Variants in CNBD1 observed in about 807,000 individuals in gnomAD.
The protein encoded by CNBD1 is cyclic nucleotide binding domain containing 1.
CNBD1 carries 71 observed loss-of-function variants against 54.4 expected under a neutral mutation model. The ratio of observed to expected loss-of-function variants is 1.30; its 90% CI spans 1.08 to 1.59. The LOEUF (loss-of-function observed/expected upper bound fraction) is 1.59. Ranked by LOEUF, CNBD1 falls within the 40% of genes most tolerant of loss-of-function variation. The probability of loss-of-function intolerance (pLI) is 0.00; values close to 1 mark genes in which losing one functional copy is unlikely to be tolerated. For missense variants in CNBD1, 659 were observed against 518.0 expected (o/e 1.27, Z -2.64); for synonymous variants, 182 against 170.7 (o/e 1.07, Z -0.51).
intron 4 of CNBD1, among the ~76,000 whole-genome samples, chr8:87,022,970 A>C (rs73273642): frequency 0.03 from 4,597 of 152,302 alleles, 240 homozygotes; most frequent in African/African-American, 0.1. Flanking sequence ...GCTTTCAACT[A>C]TCATAGTATT....
chr8:87,385,671 T>C (rs1398660273), downstream of CNBD1, among the ~76,000 whole-genome samples: 1 of 152,100 alleles, frequency 6.6e-6, no homozygotes, highest in Non-Finnish European at 1.5e-5. Flanking sequence ...TACCTGCCTC[T>C]GTAGACTCCA....
chr8:87,409,802 T>C (rs1807709649), intron 2 of CNBD1, among the ~76,000 whole-genome samples: 1 of 151,948 alleles, frequency 6.6e-6, no homozygotes, highest in Admixed American at 6.6e-5. Flanking sequence ...GCGGGAGGAT[T>C]GCCAGATCTC....
At chr8:87,054,618 G>A (rs1436762505) in intron 4 of CNBD1, among the ~76,000 whole-genome samples, 1 of 152,140 alleles carries the variant, frequency 6.6e-6, no homozygotes, top group Non-Finnish European at 1.5e-5. Context: ...AGACATGATA[G>A]CCGCAAAACG....
chr8:87,201,683 C>G (rs1270053424), intron 4 of CNBD1, among the ~76,000 whole-genome samples: 1 of 152,036 alleles, frequency 6.6e-6, no homozygotes, highest in Non-Finnish European at 1.5e-5. Context: ...GACTTGTACA[C>G]TAATAAAACT....
chr8:87,402,021 A>C (rs1807574993), intron 2 of CNBD1, among the ~76,000 whole-genome samples: 1 of 151,988 alleles, frequency 6.6e-6, no homozygotes, highest in South Asian at 2.1e-4. Flanking sequence ...ATCCATAAAG[A>C]AAAAGAGGTA....
intron 4 of CNBD1, among the ~76,000 whole-genome samples, chr8:86,954,220 G>C (rs562742954): frequency 3.3e-5 from 5 of 152,284 alleles, no homozygotes; most frequent in Non-Finnish European, 7.4e-5. Flanking sequence ...CCTTGCATTA[G>C]TCTATTAATG....
chr8:86,917,317 C>G (rs1469817111), intron 3 of CNBD1, among the ~76,000 whole-genome samples: 1 of 152,006 alleles, frequency 6.6e-6, no homozygotes, highest in Non-Finnish European at 1.5e-5. Flanking sequence ...CAGGCTAGGA[C>G]CTTAGTAATT....
Position 87,225,573 on chromosome 8 carries a change from T to C in CNBD1, c.578-11346T>C, listed in dbSNP as rs1333253325. Among the ~76,000 whole-genome samples the C allele has an allele frequency of 2.4e-4, 36 of 152,092 alleles. 1 individual carries two copies. Among genetic ancestry groups the C allele is most frequent in the African/African-American group, 6.8e-4 (28 of 41,470 alleles). Reference sequence around the variant, plus strand: ...ATTTGCGTATATTGAACCAGCCTTGTATCCCAGGGATGAAGCCCACTTGAT... The same window carrying C: ...ATTTGCGTATATTGAACCAGCCTTGCATCCCAGGGATGAAGCCCACTTGAT... On this transcript the variant is annotated intron_variant, in intron 5 of 10. Transcript: ENST00000518476.
intron 2 of CNBD1, among the ~76,000 whole-genome samples, chr8:87,426,776 C>T (rs909082023): frequency 2.0e-5 from 3 of 152,148 alleles, no homozygotes; most frequent in African/African-American, 7.2e-5. Flanking sequence ...TTTGAGTTTC[C>T]TTGGCTCACT....
In CNBD1 at chr8:87,382,800, T is replaced by C. The variant is rs576655661; in HGVS notation, c.*173T>C. On this transcript the variant is annotated 3_prime_UTR_variant, in exon 11 of 11. Coordinates refer to ENST00000518476, the MANE Select transcript of CNBD1 (RefSeq NM_173538.3). ...CGAATTGCCTTTCAAACACAGTTTT[T>C]ATTAGCAGTCTTTCTTGGTTTGGAT... 4.4e-6 allele frequency: 2 copies of C among 451,552 alleles called. No individual in the cohort carries two copies. Among genetic ancestry groups the C allele is most frequent in the South Asian group, 1.2e-4 (2 of 17,168 alleles). The allele number at this position is 451,552 out of a possible 1,614,324, so 28.0% of individuals were successfully genotyped here.
At chr8:86,867,346 A>G (rs1808380043) in intron 1 of CNBD1, among the ~76,000 whole-genome samples, 3 of 152,182 alleles carry the variant, frequency 2.0e-5, no homozygotes, top group African/African-American at 7.2e-5. Context: ...TTCAACTTCA[A>G]TAAAGCATTA....
At chr8:87,172,755 G>C (rs535534615) in intron 4 of CNBD1, among the ~76,000 whole-genome samples, 4 of 151,748 alleles carry the variant, frequency 2.6e-5, no homozygotes, top group African/African-American at 4.8e-5. Context: ...TTTTCAGTCT[G>C]TGTGTATCTT....
downstream of CNBD1, among the ~76,000 whole-genome samples, chr8:87,386,505 T>C (rs199993326): frequency 3.3e-5 from 5 of 152,042 alleles, no homozygotes; most frequent in African/African-American, 4.8e-5. Flanking sequence ...ACTGGAAGAA[T>C]GGGTATCAGT....
intron 8 of CNBD1, among the ~76,000 whole-genome samples, chr8:87,320,806 C>A (rs1383501908): frequency 6.6e-6 from 1 of 152,084 alleles, no homozygotes; most frequent in Admixed American, 6.6e-5. Flanking sequence ...CTCAGCATAT[C>A]TCTCTAATAT....
chr8:87,132,122 T>TA (rs1234126361), intron 4 of CNBD1, among the ~76,000 whole-genome samples: 2 of 151,976 alleles, frequency 1.3e-5, no homozygotes, highest in Non-Finnish European at 2.9e-5. Context: ...TTAAGATTTT[T>TA]ATGCCATTTT....
chr8:87,372,381 G>C (rs1222729186), intron 10 of CNBD1, among the ~76,000 whole-genome samples: 1 of 151,806 alleles, frequency 6.6e-6, no homozygotes, highest in Non-Finnish European at 1.5e-5. Flanking sequence ...TGTATACTTT[G>C]ATGTTTCCCA....
chr8:87,244,346 G>C (rs867280020), intron 6 of CNBD1, among the ~76,000 whole-genome samples: 7 of 152,130 alleles, frequency 4.6e-5, no homozygotes, highest in Admixed American at 2.0e-4. Flanking sequence ...GAGGCAGGTT[G>C]GCCCTGAGAA....
At chr8:87,067,470 T>A (rs1281053146) in intron 4 of CNBD1, among the ~76,000 whole-genome samples, 7 of 152,092 alleles carry the variant, frequency 4.6e-5, no homozygotes, top group Non-Finnish European at 1.5e-5. Flanking sequence ...TTCCTTTGAT[T>A]TTTGAAGATG....
At chr8:87,019,802 C>T (rs1809445564) in intron 4 of CNBD1, among the ~76,000 whole-genome samples, 2 of 152,128 alleles carry the variant, frequency 1.3e-5, no homozygotes, top group African/African-American at 4.8e-5. Context: ...CGCTTGAACC[C>T]AGGAGGCAGA....
Sources: allele counts gnomAD v4.1 joint callset (sites outside exome capture counted in the v4.1 genomes callset), GRCh38; gene constraint gnomAD v4.1.1; transcripts MANE v1.5; gene names NCBI Gene and HGNC (gene_info 2026-07-23, HGNC 2026-07-21).